Variants in VPS35L observed in about 807,000 individuals in gnomAD.
The protein encoded by VPS35L is VPS35 endosomal protein sorting factor like.
In VPS35L, 83 loss-of-function variants were observed where a neutral mutation model predicts 133.0. The observed-to-expected ratio is 0.62, with a 90% CI of 0.52 to 0.75. The LOEUF (loss-of-function observed/expected upper bound fraction) is 0.75, where lower values mean the gene tolerates loss of function less well. Ranked by LOEUF, VPS35L falls within the 30% of genes least tolerant of loss-of-function variation. The probability of loss-of-function intolerance (pLI) is 0.00; values close to 1 mark genes in which losing one functional copy is unlikely to be tolerated. For synonymous variants in VPS35L, 423 were observed against 449.9 expected, an observed-to-expected ratio of 0.94 and a Z score of 0.76; for missense variants, 1,083 against 1,206.8, an observed-to-expected ratio of 0.90 and a Z score of 1.52.
chr16:19,672,874 G>T (rs767779551), intron 27 of VPS35L, among the ~76,000 whole-genome samples: 62 of 152,172 alleles, frequency 4.1e-4, no homozygotes, highest in Non-Finnish European at 7.8e-4. Context: ...AAAAATCAGG[G>T]TTTTGAATTA....
At chr16:19,687,030 T>A (rs1975486684) in intron 28 of VPS35L, among the ~76,000 whole-genome samples, 1 of 152,138 alleles carries the variant, frequency 6.6e-6, no homozygotes, top group African/African-American at 2.4e-5. Flanking sequence ...TGCAATTGCC[T>A]GTTTGTGTGT....
At chr16:19,600,457 G>A (rs1000693270) in intron 8 of VPS35L, among the ~76,000 whole-genome samples, 2 of 152,116 alleles carry the variant, frequency 1.3e-5, no homozygotes, top group African/African-American at 4.8e-5. Context: ...AGTTTTATTG[G>A]AACGCAGCCA....
rs1456192600 is a variant in VPS35L at position 19,639,609 on chromosome 16, CT to C, written c.1699-404del. On this transcript the variant is annotated intron_variant, in intron 20 of 30. Coordinates refer to ENST00000417362, the MANE Select transcript of VPS35L (RefSeq NM_020314.7). This position sits in a 1 kb window ranked among gnomAD's most constrained non-coding sequence, Gnocchi z 4.1. Reference sequence around the variant, plus strand: ...GTGGAGTGATCTCGGTTCACTGCAACTTCCGCCTTCCCGAGTTCAAGCAGTT... The same window carrying C: ...GTGGAGTGATCTCGGTTCACTGCAACTCCGCCTTCCCGAGTTCAAGCAGTT... Among the ~76,000 whole-genome samples, 3 of 152,188 alleles carry C rather than the reference CT, an allele frequency of 2.0e-5. No homozygotes were observed. The highest frequency in any genetic ancestry group is 7.2e-5 in the African/African-American group (3 of 41,450).
At chr16:19,585,188 C>T (rs1488136779) in intron 7 of VPS35L, among the ~76,000 whole-genome samples, 1 of 152,134 alleles carries the variant, frequency 6.6e-6, no homozygotes, top group African/African-American at 2.4e-5. Flanking sequence ...CTGCTCTGCA[C>T]ATTTGCGTAC....
chr16:19,616,556 G>A (rs1176265882), intron 13 of VPS35L, 130 bp from the exon 14 acceptor site: 8 of 1,171,850 alleles, frequency 6.8e-6, no homozygotes, highest in African/African-American at 1.6e-5. Context: ...AAAAACAACC[G>A]AGAAACCAGG....
At chr16:19,559,194 A>G (rs897041136) in intron 1 of VPS35L, among the ~76,000 whole-genome samples, 1 of 152,222 alleles carries the variant, frequency 6.6e-6, no homozygotes, top group Admixed American at 6.5e-5. Context: ...GAGGTAAATA[A>G]TTTAAAAATA....
Position 19,633,777 on chromosome 16 carries a change from G to A in VPS35L, c.1635+605G>A, listed in dbSNP as rs769973657. ...TTTTGAGACGGAGTCTTGCTCTGTT[G>A]CCCAGGCTGGAGTGCAGTGGTGCGA... On this transcript the variant is annotated intron_variant, in intron 19 of 30. Coordinates refer to ENST00000417362, the MANE Select transcript of VPS35L (RefSeq NM_020314.7). The surrounding 1 kb of genome is among the most constrained non-coding windows in gnomAD (Gnocchi z 4.1). Among the ~76,000 whole-genome samples the A allele has an allele frequency of 1.1e-4, 16 of 150,408 alleles. No individual in the cohort carries two copies. The highest frequency in any genetic ancestry group is 6.6e-4 in the Admixed American group (10 of 15,130).
At chr16:19,558,311 GAAGA>G in intron 1 of VPS35L, among the ~76,000 whole-genome samples, 1 of 152,232 alleles carries the variant, frequency 6.6e-6, no homozygotes, top group East Asian at 1.9e-4. Context: ...TGTTGCGGAG[GAAGA>G]AATAGAGGCA....
chr16:19,576,097 C>T (rs1296584991), intron 5 of VPS35L, among the ~76,000 whole-genome samples: 1 of 141,650 alleles, frequency 7.1e-6, no homozygotes, highest in Non-Finnish European at 1.5e-5. Context: ...ACCTGGGAGG[C>T]GGAGGTTGCA....
chr16:19,556,536 T>G (rs1253499215), intron 1 of VPS35L, among the ~76,000 whole-genome samples: 1 of 152,068 alleles, frequency 6.6e-6, no homozygotes, highest in Non-Finnish European at 1.5e-5. Flanking sequence ...CTTGAGGAAG[T>G]TGTGTTGTTG....
chr16:19,622,185 C>T (rs78512660), intron 14 of VPS35L, among the ~76,000 whole-genome samples: 6,639 of 139,130 alleles, frequency 0.048, 396 homozygotes, highest in East Asian at 0.16. Context: ...TGCTCTGTCA[C>T]CCAGGCTGGA....
Position 19,583,655 on chromosome 16 carries a change from G to A in VPS35L, c.639+2002G>A, listed in dbSNP as rs1971774805. ...GAGAATTGCGTGAACATGGGAGGTG[G>A]AGGTTGCAGTGAGCCGAGATCGCAC... On this transcript the variant is annotated intron_variant, in intron 7 of 30. Coordinates refer to ENST00000417362, the MANE Select transcript of VPS35L (RefSeq NM_020314.7). Among the ~76,000 whole-genome samples, 5 of 151,828 alleles carry A rather than the reference G, an allele frequency of 3.3e-5. No individual in the cohort carries two copies. In the South Asian group the frequency reaches 1.0e-3, roughly 32 times the overall value.
chr16:19,640,213 C>T lies in VPS35L; in HGVS notation c.1784+113C>T, dbSNP rs1973746533. On this transcript the variant is annotated intron_variant, in intron 21 of 30. Transcript: ENST00000417362. ...CCGAGTGATGTGTACGTATTTCATACAGAAAACCACACTGGAAGGAAAGCC... is the reference window on the plus strand; with the variant it reads ...CCGAGTGATGTGTACGTATTTCATATAGAAAACCACACTGGAAGGAAAGCC... 14 of 877,636 alleles carry T rather than the reference C, an allele frequency of 1.6e-5. No individual in the cohort carries two copies. In the South Asian group the frequency reaches 2.3e-4, roughly 15 times the overall value. 54.4% of individuals were successfully genotyped at this position (877,636 alleles called of 1,614,324 possible).
chr16:19,677,124 G>A (rs752867313), intron 27 of VPS35L, among the ~76,000 whole-genome samples: 73 of 151,056 alleles, frequency 4.8e-4, no homozygotes, highest in Non-Finnish European at 8.0e-4. Context: ...AGAATGCAGC[G>A]GTGTGATCTC....
At chr16:19,693,654 T>C (rs904759686) in intron 29 of VPS35L, among the ~76,000 whole-genome samples, 1 of 151,836 alleles carries the variant, frequency 6.6e-6, no homozygotes, top group African/African-American at 2.4e-5. Context: ...TGTGGTGGTG[T>C]GTGCCTGTAG....
At chr16:19,675,151 A>G (rs1449238770) in intron 27 of VPS35L, among the ~76,000 whole-genome samples, 2 of 149,980 alleles carry the variant, frequency 1.3e-5, no homozygotes, top group Admixed American at 6.7e-5. Flanking sequence ...AGGTCTCACT[A>G]TTTTTCCCAG....
chr16:19,578,964 C>T (rs772513367), intron 5 of VPS35L, 88 bp from the exon 6 acceptor site: 57 of 1,057,100 alleles, frequency 5.4e-5, no homozygotes, highest in South Asian at 1.5e-4. Flanking sequence ...TCTTTATTCA[C>T]GATGAAGTGT....
chr16:19,677,776 G>C (rs1975115623), intron 27 of VPS35L, among the ~76,000 whole-genome samples: 1 of 152,164 alleles, frequency 6.6e-6, no homozygotes, highest in Admixed American at 6.6e-5. Flanking sequence ...CACTATCTCT[G>C]TTTTCCCCAG....
intron 28 of VPS35L, among the ~76,000 whole-genome samples, chr16:19,684,046 C>T (rs184620817): frequency 1.3e-5 from 2 of 152,300 alleles, no homozygotes; most frequent in East Asian, 3.9e-4. Flanking sequence ...TTACCACAGT[C>T]TCAGGAAGGA....
Sources: allele counts gnomAD v4.1 joint callset (sites outside exome capture counted in the v4.1 genomes callset), GRCh38; gene constraint gnomAD v4.1.1; non-coding constraint Gnocchi (gnomAD v3.1); transcripts MANE v1.5; gene names NCBI Gene and HGNC (gene_info 2026-07-23, HGNC 2026-07-21).